RIMKLB: variants seen among roughly 807,000 people sequenced by gnomAD.
The protein encoded by RIMKLB is beta-citrylglutamate synthase B.
RIMKLB carries 7 observed loss-of-function variants against 32.0 expected under a neutral mutation model. The observed-to-expected ratio is 0.22, with a 90% CI of 0.12 to 0.41. The LOEUF (loss-of-function observed/expected upper bound fraction) is 0.41. RIMKLB is among the 10% of genes least tolerant of loss of function. The pLI is 1.00. For synonymous variants in RIMKLB, 172 were observed against 185.1 expected (o/e 0.93, Z 0.57); for missense variants, 289 against 498.7 (o/e 0.58, Z 4.00).
At chr12:8,700,965 C>T (rs922144947) in intron 1 of RIMKLB, among the ~76,000 whole-genome samples, 1 of 152,010 alleles carries the variant, frequency 6.6e-6, no homozygotes, top group Non-Finnish European at 1.5e-5. Context: ...ACTCAGGAGG[C>T]TGAGGCACAA....
At chr12:8,755,465 G>T (rs1484454075) in intron 5 of RIMKLB, among the ~76,000 whole-genome samples, 1 of 151,998 alleles carries the variant, frequency 6.6e-6, no homozygotes, top group African/African-American at 2.4e-5. Flanking sequence ...GAGGCATCCT[G>T]GTCCCTCTCT....
chr12:8,760,567 A>G (rs1949435304), intron 5 of RIMKLB, among the ~76,000 whole-genome samples: 2 of 152,240 alleles, frequency 1.3e-5, no homozygotes, highest in Admixed American at 6.5e-5. Context: ...CCAACAGTGT[A>G]AAAGCATTCC....
At chr12:8,753,739 C>T in intron 4 of RIMKLB, 151 bp from the exon 5 acceptor site, 1 of 622,104 alleles carries the variant, frequency 1.6e-6, no homozygotes, top group Non-Finnish European at 2.8e-6. Context: ...TGTATTATTT[C>T]ACTGTTAAAA....
At position 8,776,062 on chromosome 12, in the gene RIMKLB, C is replaced by T. The variant is rs1349573262; in HGVS notation, c.*2278C>T. 17 of 981,228 alleles carry T rather than the reference C, an allele frequency of 1.7e-5. No individual in the cohort carries two copies. The highest frequency in any genetic ancestry group is 5.3e-5 in the African/African-American group (3 of 57,084). The allele number at this position is 981,228 out of a possible 1,614,324, so 60.8% of individuals were successfully genotyped here. ...GTTCATATAGAGACCATCTGGTTGC[C>T]ATGTGTATTATGACACATACACTTT... is the stretch of plus-strand genomic sequence containing the variant. On this transcript the variant is annotated 3_prime_UTR_variant, in exon 6 of 6. Coordinates refer to ENST00000535829, the MANE Select transcript of RIMKLB (RefSeq NM_001297776.2).
At chr12:8,669,203 A>T in the RIMKLB span, among the ~76,000 whole-genome samples, 1 of 152,022 alleles carries the variant, frequency 6.6e-6, no homozygotes, top group Non-Finnish European at 1.5e-5. Flanking sequence ...GCAAGAGAGG[A>T]AGGAAGCAAG....
At position 8,776,960 on chromosome 12, in the gene RIMKLB, T is replaced by A; in HGVS notation, c.*3176T>A. 1 of 985,842 alleles carries A rather than the reference T, an allele frequency of 1.0e-6. No homozygotes were observed. 61.1% of individuals were successfully genotyped at this position (985,842 alleles called of 1,614,324 possible). A position where few individuals can be genotyped will look rare whatever the true frequency, so the allele number is the denominator to read the frequency against. On this transcript the variant is annotated 3_prime_UTR_variant, in exon 6 of 6. Transcript: ENST00000535829. Reference sequence around the variant, plus strand: ...TGGGGCTTGTGGGGCTTAGAGACATTGTGAAATCAAATCTTGTGTTATACT... The same window carrying A: ...TGGGGCTTGTGGGGCTTAGAGACATAGTGAAATCAAATCTTGTGTTATACT...
the RIMKLB span, among the ~76,000 whole-genome samples, chr12:8,671,313 C>T: frequency 3.3e-3 from 495 of 151,948 alleles, 2 homozygotes; most frequent in Non-Finnish European, 6.0e-3. Context: ...TGCAATGACA[C>T]GATCTCAGCT....
chr12:8,782,261 TTTTG>T (rs1190776264), intron 7 of RIMKLB, among the ~76,000 whole-genome samples: 3 of 152,230 alleles, frequency 2.0e-5, no homozygotes, highest in African/African-American at 7.2e-5. Flanking sequence ...GGCACAATAA[TTTTG>T]TTTTATTTTG....
intron 2 of RIMKLB, among the ~76,000 whole-genome samples, chr12:8,719,836 G>A (rs981918122): frequency 1.3e-5 from 2 of 152,202 alleles, no homozygotes; most frequent in African/African-American, 4.8e-5. Context: ...GTTTCATAAA[G>A]GACAATGTAC....
chr12:8,770,151 C>T (rs1057001390), intron 5 of RIMKLB, among the ~76,000 whole-genome samples: 28 of 152,178 alleles, frequency 1.8e-4, no homozygotes, highest in Non-Finnish European at 3.1e-4. Flanking sequence ...TTAGTAGAGA[C>T]GGGGTTTCAC....
chr12:8,782,084 A>C (rs1354985590), downstream of RIMKLB, among the ~76,000 whole-genome samples: 1 of 151,766 alleles, frequency 6.6e-6, no homozygotes, highest in Non-Finnish European at 1.5e-5. Flanking sequence ...GTGACAGAAC[A>C]GTAATTTTGA....
At chr12:8,771,160 T>C (rs1397707479) in intron 5 of RIMKLB, among the ~76,000 whole-genome samples, 3 of 152,124 alleles carry the variant, frequency 2.0e-5, no homozygotes, top group East Asian at 3.9e-4. Flanking sequence ...CATGTAAAAA[T>C]GTAATTGGAC....
upstream of RIMKLB, among the ~76,000 whole-genome samples, chr12:8,694,068 C>G (rs1942812283): frequency 6.6e-6 from 1 of 151,910 alleles, no homozygotes; most frequent in Non-Finnish European, 1.5e-5. Flanking sequence ...CATGGTGAAA[C>G]CCCAAGTTTC....
At position 8,774,963 on chromosome 12, in the gene RIMKLB, A is replaced by G; in HGVS notation, c.*1179A>G. ...AAAAGGATAATTTAGAAAATGGAGC[A>G]TGATGGGAAACAGAGTTTTTGACTT... On this transcript the variant is annotated 3_prime_UTR_variant, in exon 6 of 6. Coordinates refer to ENST00000535829, the MANE Select transcript of RIMKLB (RefSeq NM_001297776.2). The G allele has an allele frequency of 5.1e-6, 5 of 985,822 alleles. No individual in the cohort carries two copies. Among genetic ancestry groups the G allele is most frequent in the Non-Finnish European group, 6.0e-6 (5 of 829,926 alleles). The allele number at this position is 985,822 out of a possible 1,614,324, so 61.1% of individuals were successfully genotyped here. A position where few individuals can be genotyped will look rare whatever the true frequency, so the allele number is the denominator to read the frequency against.
In RIMKLB at chr12:8,775,777, C is replaced by G. The variant is rs1950691879; in HGVS notation, c.*1993C>G. On this transcript the variant is annotated 3_prime_UTR_variant, in exon 6 of 6. Transcript: ENST00000535829. ...ATAGTACCTCTCATCTGTGCAGTGT[C>G]TCATTTCACCTCAGAGAAAAGGATA... is the stretch of plus-strand genomic sequence containing the variant. 1 of 985,196 alleles carries G rather than the reference C, an allele frequency of 1.0e-6. No homozygotes were observed. The highest frequency in any genetic ancestry group is 1.2e-6 in the Non-Finnish European group (1 of 829,564). 61.0% of individuals were successfully genotyped at this position (985,196 alleles called of 1,614,324 possible).
upstream of RIMKLB, among the ~76,000 whole-genome samples, chr12:8,697,505 T>G (rs775993482): frequency 2.0e-5 from 3 of 151,794 alleles, no homozygotes; most frequent in Admixed American, 6.6e-5. Flanking sequence ...CGCAGATTGA[T>G]GGGGCCTAAG....
In RIMKLB at chr12:8,689,290, G is replaced by A. The variant is rs770080145; in HGVS notation, n.219+7472G>A. On this transcript the variant is annotated intron_variant and non_coding_transcript_variant, in intron 1 of 1. Transcript: ENST00000538758. ...AGTCATGAGATTTTCTTCTAGATTT[G>A]GTAAACACAAGGACAGCATAACTTT... 2.0e-5 allele frequency among the ~76,000 whole-genome samples: 3 copies of A among 152,280 alleles called. 1 individual carries two copies. The South Asian group carries it at 6.2e-4, about 32-fold the overall frequency.
At chr12:8,672,671 C>T in the RIMKLB span, among the ~76,000 whole-genome samples, 1 of 152,096 alleles carries the variant, frequency 6.6e-6, no homozygotes, top group African/African-American at 2.4e-5. Context: ...CTGGAAGATG[C>T]AATTGAAGGT....
At chr12:8,676,605 G>C (rs1235547611), upstream of RIMKLB, among the ~76,000 whole-genome samples, 1 of 151,558 alleles carries the variant, frequency 6.6e-6, no homozygotes, top group Non-Finnish European at 1.5e-5. Flanking sequence ...CACCATGTTT[G>C]CCAGGCTGGT....
Sources: gnomAD v4.1 joint callset for allele counts (sites outside exome capture counted in the v4.1 genomes callset) on GRCh38, gnomAD v4.1.1 for gene constraint, MANE v1.5 for transcripts, NCBI Gene and HGNC (gene_info 2026-07-23, HGNC 2026-07-21) for gene names.